Variants in CCDC6 observed in about 807,000 individuals in gnomAD.
CCDC6 encodes coiled-coil domain-containing protein 6.
In CCDC6, 20 loss-of-function variants were observed where a neutral mutation model predicts 56.6. The ratio of observed to expected loss-of-function variants is 0.35; its 90% CI spans 0.25 to 0.51. The LOEUF is 0.51. Among genes scored for constraint, CCDC6 ranks in the 20% least tolerant of loss-of-function variants. The pLI, the probability that CCDC6 is intolerant of heterozygous loss-of-function variation, is 0.95. For synonymous variants in CCDC6, 241 were observed against 234.4 expected, an observed-to-expected ratio of 1.03 and a Z score of -0.26; for missense variants, 367 against 601.1, an observed-to-expected ratio of 0.61 and a Z score of 4.07.
chr10:59,793,721 T>C (rs565374910), intron 8 of CCDC6, among the ~76,000 whole-genome samples: 21 of 151,846 alleles, frequency 1.4e-4, no homozygotes, highest in Admixed American at 1.4e-3. Flanking sequence ...GAGGCGGATG[T>C]TGCAGTGAGC....
chr10:59,852,016 C>T (rs923996941), intron 2 of CCDC6, among the ~76,000 whole-genome samples: 2 of 152,066 alleles, frequency 1.3e-5, no homozygotes, highest in Non-Finnish European at 2.9e-5. Context: ...ATATATTACT[C>T]GTGATCAACG....
At chr10:59,891,309 A>C (rs2071420764) in intron 1 of CCDC6, among the ~76,000 whole-genome samples, 1 of 152,206 alleles carries the variant, frequency 6.6e-6, no homozygotes, top group African/African-American at 2.4e-5. Flanking sequence ...AAAGCAGTTA[A>C]TGAATAAAAT....
chr10:59,890,144 T>C (rs1002865814), intron 1 of CCDC6, among the ~76,000 whole-genome samples: 4 of 151,522 alleles, frequency 2.6e-5, no homozygotes, highest in Admixed American at 2.0e-4. Context: ...AGGCAAGGCA[T>C]AGATAGGCCC....
At chr10:59,890,109 T>C (rs2071410381) in intron 1 of CCDC6, among the ~76,000 whole-genome samples, 1 of 152,158 alleles carries the variant, frequency 6.6e-6, no homozygotes, top group South Asian at 2.1e-4. Flanking sequence ...AAGAAAGACA[T>C]GACTGATGTC....
chr10:59,904,113 T>C (rs1486788466), intron 1 of CCDC6, among the ~76,000 whole-genome samples: 1 of 152,212 alleles, frequency 6.6e-6, no homozygotes. Context: ...ACTTGTGCAG[T>C]GTCATCTAAA....
chr10:59,807,663 G>A (rs2070637935), intron 5 of CCDC6, among the ~76,000 whole-genome samples: 1 of 152,170 alleles, frequency 6.6e-6, no homozygotes, highest in South Asian at 2.1e-4. Context: ...GCATTCTAAA[G>A]TGCTTTAAGT....
At chr10:59,794,626 T>C (rs904323558) in intron 7 of CCDC6, 29 bp from the exon 8 acceptor site, 3 of 1,609,740 alleles carry the variant, frequency 1.9e-6, no homozygotes, top group African/African-American at 2.7e-5. Flanking sequence ...TTAAGTATCA[T>C]TTTAAGCTCA....
intron 1 of CCDC6, among the ~76,000 whole-genome samples, chr10:59,880,107 A>G (rs1411448875): frequency 6.6e-6 from 1 of 152,148 alleles, no homozygotes; most frequent in Non-Finnish European, 1.5e-5. Flanking sequence ...TCCATTCTTT[A>G]AAAAATACCG....
chr10:59,840,503 T>A (rs565910323), intron 2 of CCDC6, among the ~76,000 whole-genome samples: 6 of 152,188 alleles, frequency 3.9e-5, no homozygotes, highest in Non-Finnish European at 7.3e-5. Context: ...ACCTCCTGAG[T>A]AACAGCATTA....
At chr10:59,871,334 G>A (rs1199654316) in intron 1 of CCDC6, among the ~76,000 whole-genome samples, 1 of 151,898 alleles carries the variant, frequency 6.6e-6, no homozygotes, top group Non-Finnish European at 1.5e-5. Flanking sequence ...AAGCACTCAA[G>A]TACGTAAAAA....
At chr10:59,795,970 G>C (rs10821598) in intron 7 of CCDC6, among the ~76,000 whole-genome samples, 13,643 of 152,038 alleles carry the variant, frequency 0.09, 1,021 homozygotes, top group African/African-American at 0.2. Flanking sequence ...AGCATGATTT[G>C]TAGTCCTTTG....
chr10:59,847,469 C>T (rs1181672112), intron 2 of CCDC6, among the ~76,000 whole-genome samples: 3 of 152,094 alleles, frequency 2.0e-5, no homozygotes, highest in East Asian at 3.9e-4. Flanking sequence ...TATACTAGTT[C>T]TTAATGATGT....
At position 59,792,325 on chromosome 10, in the gene CCDC6, A is replaced by G. The variant is rs772364223; in HGVS notation, c.*592T>C. 5.0e-5 allele frequency: 19 copies of G among 382,118 alleles called. No homozygotes were observed. The highest frequency in any genetic ancestry group is 7.8e-5 in the Non-Finnish European group (16 of 204,308). The allele number at this position is 382,118 out of a possible 1,614,324, so 23.7% of individuals were successfully genotyped here. On this transcript the variant is annotated 3_prime_UTR_variant, in exon 9 of 9. Coordinates refer to ENST00000263102, the MANE Select transcript of CCDC6 (RefSeq NM_005436.5). ...TGTTTTACGAGAGACATGGATGTCA[A>G]TAACACAATGAAAATAACCTGTAAA...
intron 1 of CCDC6, among the ~76,000 whole-genome samples, chr10:59,904,445 G>GC (rs1314957600): frequency 5.3e-5 from 8 of 152,128 alleles, no homozygotes; most frequent in African/African-American, 1.9e-4. Flanking sequence ...CATGCAAAAG[G>GC]CTATTTTGCT....
chr10:59,855,667 G>A (rs1470044368), intron 1 of CCDC6, among the ~76,000 whole-genome samples: 1 of 152,192 alleles, frequency 6.6e-6, no homozygotes, highest in Non-Finnish European at 1.5e-5. Context: ...TGATGAAAAT[G>A]TTCTGGAATT....
intron 2 of CCDC6, among the ~76,000 whole-genome samples, chr10:59,838,611 C>T (rs2070907154): frequency 1.3e-5 from 2 of 152,140 alleles, no homozygotes; most frequent in African/African-American, 4.8e-5. Context: ...TGGGTGTAAG[C>T]CAGGGAGTGG....
In CCDC6 at chr10:59,789,120, T is replaced by C. The variant is rs1383642872; in HGVS notation, c.*3797A>G. The C allele has an allele frequency of 4.4e-6, 1 of 228,796 alleles. No homozygotes were observed. The highest frequency in any genetic ancestry group is 8.7e-6 in the Non-Finnish European group (1 of 115,214). 14.2% of individuals were successfully genotyped at this position (228,796 alleles called of 1,614,324 possible). A position where few individuals can be genotyped will look rare whatever the true frequency, so the allele number is the denominator to read the frequency against. On this transcript the variant is annotated 3_prime_UTR_variant, in exon 9 of 9. Coordinates refer to ENST00000263102, the MANE Select transcript of CCDC6 (RefSeq NM_005436.5). The stretch of plus-strand genomic sequence containing the variant: ...GGGTCAACCTGACCAGATACTCTTC[T>C]GGAGGAATGCATTCTTAAACTGTTG...
intron 3 of CCDC6, among the ~76,000 whole-genome samples, chr10:59,820,189 G>A (rs2070739091): frequency 6.6e-6 from 1 of 152,200 alleles, no homozygotes; most frequent in Non-Finnish European, 1.5e-5. Context: ...TGCTACCACA[G>A]TTCTTTCTTA....
At chr10:59,872,172 C>T (rs2071235334) in intron 1 of CCDC6, among the ~76,000 whole-genome samples, 1 of 152,220 alleles carries the variant, frequency 6.6e-6, no homozygotes, top group African/African-American at 2.4e-5. Context: ...ATGTTGTAAA[C>T]AACCTATCTC....
Sources: allele counts gnomAD v4.1 joint callset (sites outside exome capture counted in the v4.1 genomes callset), GRCh38; gene constraint gnomAD v4.1.1; transcripts MANE v1.5; gene names NCBI Gene and HGNC (gene_info 2026-07-23, HGNC 2026-07-21).